Variants in CLEC16A observed in about 807,000 individuals in gnomAD.
The protein encoded by CLEC16A is C-type lectin domain containing 16A.
A neutral mutation model predicts 109.5 loss-of-function variants in CLEC16A; 51 were observed. The ratio of observed to expected loss-of-function variants is 0.47; its 90% CI spans 0.37 to 0.59. The LOEUF is 0.59. Among genes scored for constraint, CLEC16A ranks in the 20% least tolerant of loss-of-function variants. The probability of loss-of-function intolerance (pLI) is 0.00; values close to 1 mark genes in which losing one functional copy is unlikely to be tolerated. For synonymous variants in CLEC16A, 673 were observed against 564.2 expected (o/e 1.19, Z -2.73); for missense variants, 1,339 against 1,394.0 (o/e 0.96, Z 0.63).
intron 16 of CLEC16A, among the ~76,000 whole-genome samples, chr16:11,045,504 C>T (rs1254990873): frequency 1.3e-5 from 2 of 152,050 alleles, no homozygotes; most frequent in African/African-American, 4.8e-5. Context: ...CCTACTAATC[C>T]CATCACCTTG....
chr16:11,076,634 C>T (rs2049391654), intron 19 of CLEC16A, among the ~76,000 whole-genome samples: 1 of 152,208 alleles, frequency 6.6e-6, no homozygotes, highest in South Asian at 2.1e-4. Context: ...TGCCTTCTGG[C>T]CCTGATATCT....
At chr16:11,128,826 G>A (rs1423883512) in intron 22 of CLEC16A, among the ~76,000 whole-genome samples, 1 of 152,052 alleles carries the variant, frequency 6.6e-6, no homozygotes, top group Non-Finnish European at 1.5e-5. Context: ...AGAAAATACT[G>A]AGATCCGAGA....
In CLEC16A at chr16:11,174,325, G is replaced by A. The variant is rs760224231; in HGVS notation, c.2807-4010G>A. On this transcript the variant is annotated intron_variant, in intron 23 of 23. Coordinates refer to ENST00000409790, the MANE Select transcript of CLEC16A (RefSeq NM_015226.3). This position sits in a 1 kb window ranked among gnomAD's most constrained non-coding sequence, Gnocchi z 4.7. Reference sequence around the variant, plus strand: ...TCGGGCCGCGACGTCCACTCGCCACGCTGCATTTCCACAGTCGGCAGGGTC... The same window carrying A: ...TCGGGCCGCGACGTCCACTCGCCACACTGCATTTCCACAGTCGGCAGGGTC... 3.0e-5 allele frequency: 13 copies of A among 428,428 alleles called. No homozygotes were observed. In the East Asian group the frequency reaches 3.7e-4, roughly 12 times the overall value. The allele number at this position is 428,428 out of a possible 1,614,324, so 26.5% of individuals were successfully genotyped here.
At chr16:11,041,712 C>G (rs1282907819) in intron 14 of CLEC16A, 1 of 153,094 alleles carries the variant, frequency 6.5e-6, no homozygotes, top group African/African-American at 2.4e-5. Flanking sequence ...CGGTCCTCTG[C>G]TCAGCCCGGC....
chr16:10,982,211 A>T (rs1596869547), intron 9 of CLEC16A, among the ~76,000 whole-genome samples: 3 of 152,172 alleles, frequency 2.0e-5, no homozygotes, highest in African/African-American at 2.4e-5. Flanking sequence ...TCCTCTGAAC[A>T]TTGGGCAACA....
At chr16:11,037,152 C>G (rs560155052) in intron 13 of CLEC16A, among the ~76,000 whole-genome samples, 1 of 152,302 alleles carries the variant, frequency 6.6e-6, no homozygotes, top group South Asian at 2.1e-4. Flanking sequence ...CCTGCTGTAC[C>G]CAGCTGTCCC....
chr16:11,010,294 C>T (rs2045320911), intron 11 of CLEC16A, among the ~76,000 whole-genome samples: 1 of 152,136 alleles, frequency 6.6e-6, no homozygotes, highest in Non-Finnish European at 1.5e-5. Context: ...ATGAATCTCC[C>T]TTTCATCTCC....
chr16:11,049,128 C>G (rs1420775728), intron 17 of CLEC16A, among the ~76,000 whole-genome samples: 1 of 152,096 alleles, frequency 6.6e-6, no homozygotes, highest in East Asian at 1.9e-4. Flanking sequence ...CTGCCTCAGC[C>G]TCCCGAGTAG....
intron 13 of CLEC16A, among the ~76,000 whole-genome samples, chr16:11,028,441 C>T (rs1162137806): frequency 1.3e-5 from 2 of 150,376 alleles, no homozygotes; most frequent in South Asian, 2.1e-4. Flanking sequence ...AGCCCAAGGA[C>T]ATAATTGAAT....
intron 11 of CLEC16A, among the ~76,000 whole-genome samples, chr16:11,014,316 T>C (rs186752519): frequency 5.9e-5 from 9 of 152,378 alleles, no homozygotes; most frequent in African/African-American, 1.9e-4. Context: ...GCTGTGTGTA[T>C]GTACCATAGT....
chr16:11,052,648 TTCTG>T (rs2048009909), intron 18 of CLEC16A, among the ~76,000 whole-genome samples: 1 of 152,102 alleles, frequency 6.6e-6, no homozygotes, highest in South Asian at 2.1e-4. Flanking sequence ...AGGCACACGA[TTCTG>T]TTTGTGGGTG....
rs542301393 is a variant in CLEC16A at position 10,961,470 on chromosome 16, G to T, written c.210-985G>T. Among the ~76,000 whole-genome samples the T allele has an allele frequency of 6.6e-6, 1 of 152,282 alleles. No individual in the cohort carries two copies. Among genetic ancestry groups the T allele is most frequent in the African/African-American group, 2.4e-5 (1 of 41,556 alleles). On this transcript the variant is annotated intron_variant, in intron 2 of 23. Transcript: ENST00000409790. The surrounding 1 kb of genome is among the most constrained non-coding windows in gnomAD (Gnocchi z 4.3). ...TGTCCCAGATGCAAGATTATCTGGT[G>T]TTAGCTTGAGTACAGAGAACACATA...
chr16:11,128,438 A>T (rs1252583052), intron 22 of CLEC16A, among the ~76,000 whole-genome samples: 3 of 152,322 alleles, frequency 2.0e-5, no homozygotes, highest in Admixed American at 2.0e-4. Context: ...CAGGGTCAGC[A>T]AGTGTGAGGC....
At chr16:11,034,948 T>C (rs1475765938) in intron 13 of CLEC16A, among the ~76,000 whole-genome samples, 2 of 152,084 alleles carry the variant, frequency 1.3e-5, no homozygotes, top group Non-Finnish European at 2.9e-5. Flanking sequence ...TGTTTGTGTG[T>C]ATGTCCTTGC....
intron 2 of CLEC16A, among the ~76,000 whole-genome samples, chr16:10,958,196 G>A (rs1442396584): frequency 1.3e-5 from 2 of 152,198 alleles, no homozygotes; most frequent in East Asian, 3.8e-4. Flanking sequence ...CCAAAGGAAG[G>A]AGAACATGTC....
chr16:11,070,638 T>C (rs1401164043), intron 19 of CLEC16A: 1 of 152,206 alleles, frequency 6.6e-6, no homozygotes, highest in Non-Finnish European at 1.5e-5. Flanking sequence ...ATCATGTTCT[T>C]CATTTGTTCA....
At chr16:11,080,096 CAGATTGCACACTTGACTGT>C (rs1262317859) in intron 19 of CLEC16A, among the ~76,000 whole-genome samples, 1 of 152,206 alleles carries the variant, frequency 6.6e-6, no homozygotes, top group Admixed American at 6.5e-5. Flanking sequence ...ATCCAGACTG[CAGATTGCACACTTGACTGT>C]AGACAGGGAC....
intron 19 of CLEC16A, among the ~76,000 whole-genome samples, chr16:11,077,159 A>G (rs1449348513): frequency 6.6e-6 from 1 of 151,266 alleles, no homozygotes; most frequent in African/African-American, 2.4e-5. Flanking sequence ...AGCCGAGGCA[A>G]CATGGAGAGA....
chr16:11,094,520 G>T (rs1415815167), intron 19 of CLEC16A, among the ~76,000 whole-genome samples: 1 of 152,236 alleles, frequency 6.6e-6, no homozygotes, highest in Non-Finnish European at 1.5e-5. Context: ...TGCCTCTGAA[G>T]TTTGAAGCAT....
Sources: allele counts gnomAD v4.1 joint callset (sites outside exome capture counted in the v4.1 genomes callset), GRCh38; gene constraint gnomAD v4.1.1; non-coding constraint Gnocchi (gnomAD v3.1); transcripts MANE v1.5; gene names NCBI Gene and HGNC (gene_info 2026-07-23, HGNC 2026-07-21).